Variants in ATP12A observed in about 807,000 individuals in gnomAD.
ATP12A encodes potassium-transporting ATPase alpha chain 2.
ATP12A carries 81 observed loss-of-function variants against 111.2 expected under a neutral mutation model. That is an observed-to-expected ratio of 0.73 (90% CI 0.61 to 0.88). The LOEUF (loss-of-function observed/expected upper bound fraction) is 0.88. ATP12A is among the 40% of genes least tolerant of loss of function. ATP12A has a pLI of 0.00. For synonymous variants in ATP12A, 498 were observed against 499.8 expected (o/e 1.00, Z 0.05); for missense variants, 1,196 against 1,313.1 (o/e 0.91, Z 1.38).
Position 24,685,459 on chromosome 13 carries a change from G to T in ATP12A, c.228+86G>T. On this transcript the variant is annotated intron_variant, in intron 3 of 22. Transcript: ENST00000381946. This position sits in a 1 kb window ranked among gnomAD's most constrained non-coding sequence, Gnocchi z 5.5. ...GTGTGTGGCGGGGGGCTGTGTGGAA[G>T]AGTAGCGGCACCTTTAGGAGGAGGG... 1 of 1,412,400 alleles carries T rather than the reference G, an allele frequency of 7.1e-7. No homozygotes were observed. The highest frequency in any genetic ancestry group is 1.0e-6 in the Non-Finnish European group (1 of 998,278). The allele number at this position is 1,412,400 out of a possible 1,614,324, so 87.5% of individuals were successfully genotyped here. A position where few individuals can be genotyped will look rare whatever the true frequency, so the allele number is the denominator to read the frequency against.
chr13:24,691,049 C>T lies in ATP12A; in HGVS notation c.867C>T (p.Ala289=). 1 of 1,614,232 alleles carries T rather than the reference C, an allele frequency of 6.2e-7. No homozygotes were observed. Among genetic ancestry groups the T allele is most frequent in the Non-Finnish European group, 8.5e-7 (1 of 1,180,040 alleles). Residue 289 remains alanine, a synonymous_variant, in exon 8 of 23, where the codon GCC becomes GCT. Transcript: ENST00000381946. The part of the protein sequence containing the change: ...RTIIGHIASL[A]SGVGNEKTPI... ...TCATTGGCCATATTGCCTCATTGGCCTCAGGAGTTGGAAATGAGAAGACGC... is the reference window on the plus strand; with the variant it reads ...TCATTGGCCATATTGCCTCATTGGCTTCAGGAGTTGGAAATGAGAAGACGC...
chr13:24,700,984 G>A (rs1374474169), intron 13 of ATP12A, 62 bp downstream of exon 13: 4 of 1,557,304 alleles, frequency 2.6e-6, no homozygotes, highest in Middle Eastern at 1.7e-4. Flanking sequence ...TTCTAATAAT[G>A]GTTTTCATAG....
intron 12 of ATP12A, among the ~76,000 whole-genome samples, chr13:24,700,366 C>A (rs569099448): frequency 2.0e-5 from 3 of 152,306 alleles, no homozygotes; most frequent in African/African-American, 7.2e-5. Flanking sequence ...TCACATGTGA[C>A]CTCCTTGGGG....
rs970628184 is a variant in ATP12A, at chr13:24,680,636, C to T, written c.-108C>T. 43 of 1,341,226 alleles carry T rather than the reference C, an allele frequency of 3.2e-5. No individual in the cohort carries two copies. Among genetic ancestry groups the T allele is most frequent in the Non-Finnish European group, 4.1e-5 (41 of 993,950 alleles). The allele number at this position is 1,341,226 out of a possible 1,614,324, so 83.1% of individuals were successfully genotyped here. ...GCCGGTATCTCCACCGCCAACACCTCAGCCACTGCCACTGCCACAGCCACA... is the reference window on the plus strand; with the variant it reads ...GCCGGTATCTCCACCGCCAACACCTTAGCCACTGCCACTGCCACAGCCACA... On this transcript the variant is annotated 5_prime_UTR_variant, in exon 1 of 23. Transcript: ENST00000381946.
chr13:24,686,595 C>A (rs1355725434), intron 3 of ATP12A, among the ~76,000 whole-genome samples: 1 of 151,394 alleles, frequency 6.6e-6, no homozygotes, highest in African/African-American at 2.4e-5. Flanking sequence ...AAAAATTAGT[C>A]GGGCACGGTG....
intron 11 of ATP12A, 36 bp downstream of exon 11, chr13:24,694,614 C>G (rs146798228): frequency 1.2e-6 from 2 of 1,611,218 alleles, no homozygotes; most frequent in African/African-American, 2.7e-5. Context: ...TCTCTGTCAT[C>G]GGCAGCATGA....
intron 2 of ATP12A, among the ~76,000 whole-genome samples, chr13:24,681,932 TA>T (rs879557310): frequency 0.04 from 5,549 of 138,764 alleles, 219 homozygotes; most frequent in African/African-American, 0.073. Context: ...TGTGTCTGTG[TA>T]GTGTGTGGTG....
intron 5 of ATP12A, 69 bp from the exon 6 acceptor site, chr13:24,690,269 G>C: frequency 2.5e-6 from 4 of 1,586,238 alleles, no homozygotes; most frequent in Non-Finnish European, 3.4e-6. Flanking sequence ...GGTTCGGTGC[G>C]GCACAGACTT....
chr13:24,692,436 T>C lies in ATP12A; in HGVS notation c.1076T>C (p.Leu359Pro), dbSNP rs771332778. The C allele has an allele frequency of 6.2e-7, 1 of 1,613,690 alleles. No homozygotes were observed. Among genetic ancestry groups the C allele is most frequent in the Non-Finnish European group, 8.5e-7 (1 of 1,180,028 alleles). ...EGLLATVTVT[L>P]SLTAKRMAKK... ...CCTTCCCTCTCCTGCTAGGTGACCC[T>C]GTCGCTGACAGCAAAACGGATGGCC... is the stretch of plus-strand genomic sequence containing the variant. Residue 359 changes from leucine (L) to proline (P), a missense_variant, in exon 9 of 23, where the codon CTG becomes CCG. Around this residue, in one of 3 missense-constraint regions of ATP12A, gnomAD observed 1,126 missense variants for 1,228.5 expected, o/e 0.92. Coordinates refer to ENST00000381946, the MANE Select transcript of ATP12A (RefSeq NM_001676.7).
chr13:24,707,701 A>G (rs1875734235), intron 17 of ATP12A, among the ~76,000 whole-genome samples: 1 of 152,134 alleles, frequency 6.6e-6, no homozygotes. Flanking sequence ...TTCTTGAGAC[A>G]GAGTTTCACT....
At chr13:24,688,248 C>T in intron 3 of ATP12A, 71 bp from the exon 4 acceptor site, 1 of 1,506,606 alleles carries the variant, frequency 6.6e-7, no homozygotes, top group Non-Finnish European at 8.9e-7. Flanking sequence ...TGCAGCCCAA[C>T]CCCTGAGGGA....
Position 24,700,853 on chromosome 13 carries a change from G to C in ATP12A, c.1812G>C (p.Leu604Phe). 1 of 1,614,134 alleles carries C rather than the reference G, an allele frequency of 6.2e-7. No homozygotes were observed. Among genetic ancestry groups the C allele is most frequent in the Non-Finnish European group, 8.5e-7 (1 of 1,180,028 alleles). ...CCAACCTCTGTTTTGTGGGACTCTTGTCAATGATCGATCCCCCTCGGTCCA... is the reference window on the plus strand; with the variant it reads ...CCAACCTCTGTTTTGTGGGACTCTTCTCAATGATCGATCCCCCTCGGTCCA... The part of the protein sequence containing the change: ...PTSNLCFVGL[L>F]SMIDPPRSTV... Residue 604 changes from leucine (L) to phenylalanine (F), a missense_variant, in exon 13 of 23, where the codon TTG becomes TTC. Leu to Phe is a conservative substitution (Grantham distance 22). This residue lies in a region of ATP12A where 1,126 missense variants were observed against 1,228.5 expected (regional missense o/e 0.92). Transcript: ENST00000381946.
chr13:24,682,261 GGT>G (rs1874501101), intron 2 of ATP12A, among the ~76,000 whole-genome samples: 2 of 133,782 alleles, frequency 1.5e-5, no homozygotes, highest in East Asian at 2.3e-4. Context: ...TGTAGCGTGT[GGT>G]GTGTGTGTAG....
chr13:24,702,030 T>A lies in ATP12A; in HGVS notation c.1977T>A (p.Ile659=). 6.2e-7 allele frequency: 1 copy of A among 1,614,226 alleles called. No individual in the cohort carries two copies. The highest frequency in any genetic ancestry group is 1.1e-5 in the South Asian group (1 of 91,086). Residue 659 remains isoleucine (I), a synonymous_variant, in exon 14 of 23, where the codon ATT becomes ATA. Coordinates refer to ENST00000381946, the MANE Select transcript of ATP12A (RefSeq NM_001676.7). The stretch of plus-strand genomic sequence containing the variant: ...CCAACAGTGAAACAGTGGAAGACAT[T>A]GCACATCGCCTCAACATTGCTGTGG... ...ISANSETVED[I]AHRLNIAVEQ...
In ATP12A at chr13:24,707,207, G is replaced by A. The variant is rs1485952002; in HGVS notation, c.2338+16G>A. On this transcript the variant is annotated intron_variant, in intron 16 of 22. Transcript: ENST00000381946. ...GTGGAGGAAGGTGAGTGAGTCTCAGGGGGTCTTCCCAAGGGCCAGGGTGGT... is the reference window on the plus strand; with the variant it reads ...GTGGAGGAAGGTGAGTGAGTCTCAGAGGGTCTTCCCAAGGGCCAGGGTGGT... The A allele has an allele frequency of 1.9e-6, 3 of 1,613,274 alleles. No individual in the cohort carries two copies. Among genetic ancestry groups the A allele is most frequent in the Non-Finnish European group, 2.5e-6 (3 of 1,179,476 alleles).
chr13:24,694,577 A>T lies in ATP12A; in HGVS notation c.1511A>T (p.Gln504Leu). The T allele has an allele frequency of 6.2e-7, 1 of 1,612,598 alleles. No homozygotes were observed. Among genetic ancestry groups the T allele is most frequent in the East Asian group, 2.2e-5 (1 of 44,888 alleles). ...CCTTTTAACTCTACTAATAAATTTC[A>T]GGTGAGTTTTTCCTCACAACCGGTA... is the stretch of plus-strand genomic sequence containing the variant. ...EIPFNSTNKF[Q>L]LSIHEMDDPH... Residue 504 changes from glutamine to leucine, a missense_variant and splice_region_variant, in exon 11 of 23, where the codon CAG (glutamine) becomes CTG (leucine). Around this residue, in one of 3 missense-constraint regions of ATP12A, gnomAD observed 1,126 missense variants for 1,228.5 expected, o/e 0.92. Transcript: ENST00000381946.
At chr13:24,711,024 C>T in intron 21 of ATP12A, 131 bp downstream of exon 21, 2 of 859,714 alleles carry the variant, frequency 2.3e-6, no homozygotes, top group Non-Finnish European at 1.8e-6. Flanking sequence ...ATCCCATGCT[C>T]TGTGAGCCCA....
At chr13:24,703,208 T>C (rs917670754) in intron 14 of ATP12A, among the ~76,000 whole-genome samples, 3 of 152,206 alleles carry the variant, frequency 2.0e-5, no homozygotes, top group African/African-American at 7.2e-5. Context: ...GATTATACTT[T>C]TTTTCACTTT....
Position 24,692,586 on chromosome 13 carries a change from A to G in ATP12A, c.1226A>G (p.Asp409Gly), listed in dbSNP as rs1874957108. Reference sequence around the variant, plus strand: ...ATGACAGTGGCCCATCTGTGGTTCGACAATCAGATCTTTGTGGCTGACACC... The same window carrying G: ...ATGACAGTGGCCCATCTGTGGTTCGGCAATCAGATCTTTGTGGCTGACACC... ...NRMTVAHLWF[D>G]NQIFVADTSE... The change falls in exon 9 of 23, where the codon GAC becomes GGC. Residue 409 changes from aspartate (D) to glycine (G), a missense_variant. Physicochemically the swap from Asp to Gly is moderately conservative, Grantham distance 94. This residue lies in a region of ATP12A where 1,126 missense variants were observed against 1,228.5 expected (regional missense o/e 0.92). Coordinates refer to ENST00000381946, the MANE Select transcript of ATP12A (RefSeq NM_001676.7). 3.7e-6 allele frequency: 6 copies of G among 1,614,020 alleles called. No homozygotes were observed. Among genetic ancestry groups the G allele is most frequent in the Non-Finnish European group, 5.1e-6 (6 of 1,179,912 alleles).
Sources: gnomAD v4.1 joint callset for allele counts (sites outside exome capture counted in the v4.1 genomes callset) on GRCh38, gnomAD v4.1.1 for gene constraint, gnomAD v4.1.1 regional missense constraint, Gnocchi (gnomAD v3.1) non-coding constraint, MANE v1.5 for transcripts, NCBI Gene and HGNC (gene_info 2026-07-23, HGNC 2026-07-21) for gene names.